Variants in RAD17 observed in about 807,000 individuals in gnomAD.
RAD17 encodes RAD17 checkpoint clamp loader component.
In RAD17, 31 loss-of-function variants were observed where a neutral mutation model predicts 81.5. That is an observed-to-expected ratio of 0.38 (90% CI 0.29 to 0.51). The LOEUF (loss-of-function observed/expected upper bound fraction) is 0.51. RAD17 is among the 20% of genes least tolerant of loss of function. The pLI, the probability that RAD17 is intolerant of heterozygous loss-of-function variation, is 0.88. For missense variants in RAD17, 681 were observed against 781.2 expected (o/e 0.87, Z 1.53); for synonymous variants, 261 against 266.2 (o/e 0.98, Z 0.19).
rs1343341967 is a variant in RAD17, at chr5:69,382,070, G to C, written c.508+13G>C. On this transcript the variant is annotated intron_variant, in intron 7 of 18. Transcript: ENST00000354868. ...ATGTTTAATACTGGTAAGATTTGCT[G>C]TGAAGGTAGTAGAAGTAGTGGGGCA... is the stretch of plus-strand genomic sequence containing the variant. 1 of 1,608,450 alleles carries C rather than the reference G, an allele frequency of 6.2e-7. No homozygotes were observed. Among genetic ancestry groups the C allele is most frequent in the Middle Eastern group, 1.7e-4 (1 of 6,058 alleles).
intron 17 of RAD17, among the ~76,000 whole-genome samples, chr5:69,406,427 G>C (rs1324905999): frequency 6.6e-6 from 1 of 152,144 alleles, no homozygotes; most frequent in African/African-American, 2.4e-5. Flanking sequence ...ATTTTGTTAT[G>C]TAGGAGGAAT....
Position 69,414,666 on chromosome 5 carries a change from T to C in RAD17, c.*374T>C, listed in dbSNP as rs1440094830. ...ACAGTTTAGGATGCAATTACGAGTG[T>C]AAACTGTGTGCCTTATTTACACTTT... On this transcript the variant is annotated 3_prime_UTR_variant, in exon 19 of 19. Coordinates refer to ENST00000354868, the MANE Select transcript of RAD17 (RefSeq NM_133338.3). 1 of 256,782 alleles carries C rather than the reference T, an allele frequency of 3.9e-6. No individual in the cohort carries two copies. The highest frequency in any genetic ancestry group is 2.2e-5 in the African/African-American group (1 of 44,662). The allele number at this position is 256,782 out of a possible 1,614,324, so 15.9% of individuals were successfully genotyped here.
Position 69,377,507 on chromosome 5 carries a change from G to GTGTA in RAD17, c.351+2797_351+2798insGTAT, listed in dbSNP as rs1763465420. On this transcript the variant is annotated intron_variant, in intron 6 of 18. Coordinates refer to ENST00000354868, the MANE Select transcript of RAD17 (RefSeq NM_133338.3). ...CACACATATATATACGTATATATAT[G>GTGTA]TATATATACGTATATATATGTGTAT... 5.5e-5 allele frequency among the ~76,000 whole-genome samples: 4 copies of GTGTA among 73,144 alleles called. 1 individual carries two copies. The highest frequency in any genetic ancestry group is 2.4e-4 in the African/African-American group (4 of 16,910). The allele number at this position is 73,144 out of a possible 152,430, so 48.0% of individuals were successfully genotyped here.
intron 7 of RAD17, among the ~76,000 whole-genome samples, chr5:69,383,425 C>T (rs1763978268): frequency 6.6e-6 from 1 of 151,602 alleles, no homozygotes; most frequent in African/African-American, 2.4e-5. Flanking sequence ...TGCTCTGTCA[C>T]CCAGGCTGGA....
At chr5:69,377,525 A>G (rs370210885) in intron 6 of RAD17, among the ~76,000 whole-genome samples, 2,067 of 30,752 alleles carry the variant, frequency 0.067, 423 homozygotes, top group Middle Eastern at 0.086. Context: ...ACGTATATAT[A>G]TGTGTATATA....
chr5:69,392,117 T>A, intron 13 of RAD17, 104 bp downstream of exon 13: 2 of 1,010,908 alleles, frequency 2.0e-6, no homozygotes, highest in Non-Finnish European at 2.8e-6. Context: ...GGTTCTGCTC[T>A]AAGAGTTAGA....
At chr5:69,404,518 A>G (rs374540757) in intron 17 of RAD17, among the ~76,000 whole-genome samples, 5 of 152,088 alleles carry the variant, frequency 3.3e-5, no homozygotes, top group African/African-American at 1.2e-4. Flanking sequence ...CTGTAACCCC[A>G]GCACTTTGGT....
chr5:69,371,660 G>T (rs566305868), intron 3 of RAD17, 103 bp downstream of exon 3: 1 of 552,028 alleles, frequency 1.8e-6, no homozygotes, highest in South Asian at 8.0e-5. Flanking sequence ...TAATAGAGCC[G>T]AGTATCTATT....
intron 17 of RAD17, among the ~76,000 whole-genome samples, chr5:69,407,652 C>T (rs890884640): frequency 1.5e-5 from 2 of 135,266 alleles, no homozygotes; most frequent in Non-Finnish European, 3.1e-5. Flanking sequence ...TCTCAGCTCA[C>T]TGCAATCTCC....
chr5:69,411,247 C>T (rs1192057957), intron 18 of RAD17, among the ~76,000 whole-genome samples: 1 of 151,648 alleles, frequency 6.6e-6, no homozygotes, highest in Admixed American at 6.6e-5. Context: ...CGTGTCTCTA[C>T]TAAAAATACA....
At chr5:69,412,869 A>G (rs1031479531) in intron 18 of RAD17, among the ~76,000 whole-genome samples, 1 of 151,718 alleles carries the variant, frequency 6.6e-6, no homozygotes, top group African/African-American at 2.4e-5. Flanking sequence ...CCCGCGTGTA[A>G]TCCCTGCTAC....
intron 15 of RAD17, among the ~76,000 whole-genome samples, chr5:69,396,061 T>C (rs149954661): frequency 6.6e-5 from 10 of 152,364 alleles, no homozygotes; most frequent in African/African-American, 2.4e-4. Flanking sequence ...TAATTAGTTA[T>C]ATAATTAAGT....
intron 6 of RAD17, among the ~76,000 whole-genome samples, chr5:69,380,016 G>A (rs1763749040): frequency 6.6e-6 from 1 of 152,020 alleles, no homozygotes; most frequent in Admixed American, 6.6e-5. Flanking sequence ...GAGTAGCTGG[G>A]ATTACAGGAG....
intron 18 of RAD17, 48 bp downstream of exon 18, chr5:69,410,598 C>T: frequency 1.3e-6 from 2 of 1,522,580 alleles, no homozygotes; most frequent in Middle Eastern, 1.7e-4. Flanking sequence ...GAAATGTCTA[C>T]TGAATATGTT....
chr5:69,393,286 A>G (rs767753907), intron 14 of RAD17, 46 bp downstream of exon 14: 23 of 1,563,060 alleles, frequency 1.5e-5, no homozygotes, highest in South Asian at 8.0e-5. Context: ...AGGATATATT[A>G]TTCGTGTGCA....
chr5:69,399,297 T>C (rs536103832), intron 16 of RAD17, among the ~76,000 whole-genome samples: 1 of 152,218 alleles, frequency 6.6e-6, no homozygotes, highest in African/African-American at 2.4e-5. Flanking sequence ...CTCATATTTC[T>C]GCGTAGCAAC....
chr5:69,402,208 C>T (rs964800624), intron 17 of RAD17, among the ~76,000 whole-genome samples: 2 of 151,058 alleles, frequency 1.3e-5, no homozygotes, highest in South Asian at 2.1e-4. Flanking sequence ...CCACAACACC[C>T]GGCTAATTTT....
At chr5:69,369,718 C>T, upstream of RAD17, 2 of 1,550,904 alleles carry the variant, frequency 1.3e-6, no homozygotes, top group East Asian at 2.4e-5. Context: ...CGGGTCGGTA[C>T]TTCGGGTCAG....
intron 15 of RAD17, among the ~76,000 whole-genome samples, chr5:69,395,707 T>C (rs1357169084): frequency 6.6e-6 from 1 of 151,964 alleles, no homozygotes; most frequent in African/African-American, 2.4e-5. Flanking sequence ...TAAAAAAAAA[T>C]GATAGTACAA....
Sources: gnomAD v4.1 joint callset for allele counts (sites outside exome capture counted in the v4.1 genomes callset) on GRCh38, gnomAD v4.1.1 for gene constraint, MANE v1.5 for transcripts, NCBI Gene and HGNC (gene_info 2026-07-23, HGNC 2026-07-21) for gene names.